The following ABHD12B variants were observed in gnomAD, a reference collection of about 807,000 sequenced individuals.
ABHD12B encodes protein ABHD12B.
Under a neutral mutation model 50.4 loss-of-function variants are expected in ABHD12B, and 42 were observed. The observed-to-expected ratio is 0.83, with a 90% confidence interval of 0.65 to 1.08. ABHD12B has a LOEUF of 1.08. Ranked by LOEUF, ABHD12B falls within the 50% of genes least tolerant of loss-of-function variation. The pLI is 0.00. For missense variants in ABHD12B, 479 were observed against 447.7 expected, an observed-to-expected ratio of 1.07 and a Z score of -0.63; for synonymous variants, 167 against 160.3, an observed-to-expected ratio of 1.04 and a Z score of -0.32.
At position 50,885,837 on chromosome 14, in the gene ABHD12B, A is replaced by G. The variant is rs142292949; in HGVS notation, c.604A>G (p.Thr202Ala). 1.3e-4 allele frequency: 215 copies of G among 1,614,150 alleles called. No homozygotes were observed. The African/African-American group carries it at 1.9e-3, about 14-fold the overall frequency. Residue 202 changes from threonine to alanine, a missense_variant, in exon 7 of 13, where the codon ACC becomes GCC. Coordinates refer to ENST00000337334, the MANE Select transcript of ABHD12B (RefSeq NM_001206673.2). ...TTDAICVYEW[T>A]KARSGITPVC... ...GGATGCCATTTGTGTCTATGAGTGG[A>G]CCAAGGCAAGAAGTGGCATCACTCC...
rs769234699 is a variant in ABHD12B, at chr14:50,888,848, T to C, written c.725T>C (p.Leu242Ser). The part of the protein sequence containing the change: ...EKGCPVDAIV[L>S]EAPFTNMWVA... ...GGATGCCCAGTTGATGCTATTGTCT[T>C]GGAAGCTCCATTTACCAACATGTGG... Residue 242 changes from leucine to serine, a missense_variant, in exon 9 of 13, where the codon TTG (leucine) becomes TCG (serine). Physicochemically the swap from Leu to Ser is moderately radical, Grantham distance 145. Transcript: ENST00000337334. 35 of 1,613,984 alleles carry C rather than the reference T, an allele frequency of 2.2e-5. No homozygotes were observed. The highest frequency in any genetic ancestry group is 3.0e-5 in the Non-Finnish European group (35 of 1,180,010).
chr14:50,894,871 A>G (rs183729728), intron 9 of ABHD12B, among the ~76,000 whole-genome samples: 2 of 148,306 alleles, frequency 1.3e-5, no homozygotes, highest in East Asian at 3.9e-4. Context: ...AGGCCGAGCT[A>G]GGCCTCAATT....
At chr14:50,896,858 T>G (rs921995249) in intron 9 of ABHD12B, among the ~76,000 whole-genome samples, 3 of 152,184 alleles carry the variant, frequency 2.0e-5, no homozygotes, top group African/African-American at 7.2e-5. Context: ...TGTTTGGTGG[T>G]CTCTTCACAC....
chr14:50,890,110 T>G (rs2050098177), intron 9 of ABHD12B, among the ~76,000 whole-genome samples: 1 of 152,204 alleles, frequency 6.6e-6, no homozygotes, highest in East Asian at 1.9e-4. Flanking sequence ...TTTCAATTGG[T>G]TCTAGAAACT....
chr14:50,903,743 G>A (rs746026943), intron 11 of ABHD12B, among the ~76,000 whole-genome samples: 2 of 152,160 alleles, frequency 1.3e-5, no homozygotes, highest in African/African-American at 2.4e-5. Flanking sequence ...CCTCCATGTC[G>A]TCTCTACTGT....
intron 1 of ABHD12B, among the ~76,000 whole-genome samples, chr14:50,874,242 G>C (rs1231306478): frequency 6.6e-6 from 1 of 152,138 alleles, no homozygotes; most frequent in African/African-American, 2.4e-5. Flanking sequence ...ATCAAATCCA[G>C]TTGCTGCTTA....
chr14:50,878,801 G>C lies in ABHD12B; in HGVS notation c.289G>C (p.Val97Leu), dbSNP rs769496791. 1.9e-6 allele frequency: 3 copies of C among 1,614,016 alleles called. No individual in the cohort carries two copies. Among genetic ancestry groups the C allele is most frequent in the Admixed American group, 3.3e-5 (2 of 60,024 alleles). The change falls in exon 3 of 13, where the codon GTG (valine) becomes CTG (leucine). Residue 97 changes from valine (V) to leucine (L), a missense_variant. Transcript: ENST00000337334. ...KKPELKIPHT[V>L]NFYLRVEPGV... ...ACCAGAGTTAAAGATTCCTCACACA[G>C]TGAACTTCTACCTGAGAGTTGAACC...
At chr14:50,903,817 C>T (rs908269647) in intron 11 of ABHD12B, among the ~76,000 whole-genome samples, 1 of 152,070 alleles carries the variant, frequency 6.6e-6, no homozygotes, top group Non-Finnish European at 1.5e-5. Flanking sequence ...AGAGTGGGTC[C>T]ATAACAATTC....
chr14:50,896,004 G>T (rs948612679), intron 9 of ABHD12B, among the ~76,000 whole-genome samples: 1 of 151,000 alleles, frequency 6.6e-6, no homozygotes, highest in African/African-American at 2.4e-5. Context: ...TCTCATTGCC[G>T]CCCTTCTTCC....
At position 50,872,161 on chromosome 14, in the gene ABHD12B, G is replaced by A. The variant is rs982205822; in HGVS notation, c.-14G>A. Reference sequence around the variant, plus strand: ...CTCCCGCGGCGGTGGCGGCGTATCGGGACACGGCGCGGGATGGACGCGCAG... The same window carrying A: ...CTCCCGCGGCGGTGGCGGCGTATCGAGACACGGCGCGGGATGGACGCGCAG... On this transcript the variant is annotated 5_prime_UTR_variant, in exon 1 of 13. Transcript: ENST00000337334. 4.6e-6 allele frequency: 6 copies of A among 1,297,662 alleles called. No individual in the cohort carries two copies. Among genetic ancestry groups the A allele is most frequent in the African/African-American group, 1.5e-5 (1 of 64,926 alleles). The allele number at this position is 1,297,662 out of a possible 1,614,324, so 80.4% of individuals were successfully genotyped here. A position where few individuals can be genotyped will look rare whatever the true frequency, so the allele number is the denominator to read the frequency against.
chr14:50,889,770 G>T (rs537328287), intron 9 of ABHD12B, among the ~76,000 whole-genome samples: 1 of 152,258 alleles, frequency 6.6e-6, no homozygotes, highest in Non-Finnish European at 1.5e-5. Flanking sequence ...GAGAGAGAGC[G>T]AAAGTCTTAG....
At chr14:50,879,457 A>G in intron 3 of ABHD12B, among the ~76,000 whole-genome samples, 1 of 152,218 alleles carries the variant, frequency 6.6e-6, no homozygotes, top group East Asian at 1.9e-4. Context: ...TTTGGCACAT[A>G]AAGGGCATTC....
Position 50,880,463 on chromosome 14 carries a change from C to T in ABHD12B, c.347C>T (p.Pro116Leu). ...GVMLGIWHTV[P>L]SCRGEDAKGK... is the part of the protein sequence containing the mutation. The stretch of plus-strand genomic sequence containing the variant: ...CCCTTGCTCTTCAGGCACACAGTCC[C>T]CAGCTGCCGGGGGGAAGATGCCAAG... Residue 116 changes from proline (P) to leucine (L), a missense_variant, in exon 4 of 13, where the codon CCC becomes CTC. Transcript: ENST00000337334. 6.2e-7 allele frequency: 1 copy of T among 1,608,864 alleles called. No individual in the cohort carries two copies. Among genetic ancestry groups the T allele is most frequent in the Non-Finnish European group, 8.5e-7 (1 of 1,177,786 alleles).
intron 5 of ABHD12B, among the ~76,000 whole-genome samples, chr14:50,884,234 G>C (rs984241240): frequency 1.3e-5 from 2 of 152,066 alleles, no homozygotes; most frequent in Admixed American, 6.5e-5. Context: ...CTTAAGAGTA[G>C]GGTTTGTTGC....
intron 8 of ABHD12B, among the ~76,000 whole-genome samples, chr14:50,887,727 G>C (rs141391878): frequency 6.6e-6 from 1 of 152,312 alleles, no homozygotes; most frequent in East Asian, 1.9e-4. Flanking sequence ...ATTAGAGATT[G>C]AGCTGATCTG....
intron 4 of ABHD12B, among the ~76,000 whole-genome samples, chr14:50,881,263 C>T (rs920391466): frequency 6.6e-6 from 1 of 152,126 alleles, no homozygotes; most frequent in Non-Finnish European, 1.5e-5. Flanking sequence ...CTCAGAAACA[C>T]ACAGATCTCC....
At chr14:50,888,376 G>C (rs1482066688) in intron 8 of ABHD12B, among the ~76,000 whole-genome samples, 1 of 151,964 alleles carries the variant, frequency 6.6e-6, no homozygotes, top group Non-Finnish European at 1.5e-5. Flanking sequence ...GCTGATTTTT[G>C]TATTTTTAGT....
intron 8 of ABHD12B, among the ~76,000 whole-genome samples, chr14:50,887,975 C>A (rs1158005996): frequency 6.6e-6 from 1 of 152,202 alleles, no homozygotes; most frequent in Non-Finnish European, 1.5e-5. Flanking sequence ...GAAAAGGCAG[C>A]TCAAACTCTC....
chr14:50,884,863 C>T (rs1474778209), intron 5 of ABHD12B, among the ~76,000 whole-genome samples: 1 of 151,798 alleles, frequency 6.6e-6, no homozygotes, highest in East Asian at 1.9e-4. Flanking sequence ...TACAGGTGTG[C>T]ACCACCACAC....
Sources: gnomAD v4.1 joint callset for allele counts (sites outside exome capture counted in the v4.1 genomes callset) on GRCh38, gnomAD v4.1.1 for gene constraint, MANE v1.5 for transcripts, NCBI Gene and HGNC (gene_info 2026-07-23, HGNC 2026-07-21) for gene names.